The following TMEM232 variants were observed in gnomAD, a reference collection of about 807,000 sequenced individuals.
The protein encoded by TMEM232 is transmembrane protein 232.
Under a neutral mutation model 78.8 loss-of-function variants are expected in TMEM232, and 80 were observed. That is an observed-to-expected ratio of 1.01 (90% CI 0.85 to 1.22). The LOEUF is 1.22. TMEM232 is among the 50% of genes most tolerant of loss of function. The pLI, the probability that TMEM232 is intolerant of heterozygous loss-of-function variation, is 0.00. For missense variants in TMEM232, 881 were observed against 742.2 expected (o/e 1.19, Z -2.17); for synonymous variants, 297 against 254.3 (o/e 1.17, Z -1.60).
chr5:110,489,150 T>C (rs1462752757), intron 12 of TMEM232, among the ~76,000 whole-genome samples: 1 of 152,016 alleles, frequency 6.6e-6, no homozygotes, highest in East Asian at 1.9e-4. Flanking sequence ...CATCATTCTT[T>C]CATAAATGTC....
Position 110,420,743 on chromosome 5 carries a change from A to C in TMEM232, c.1811T>G (p.Leu604Arg). The C allele has an allele frequency of 6.6e-7, 1 of 1,522,452 alleles. No homozygotes were observed. The highest frequency in any genetic ancestry group is 1.2e-5 in the South Asian group (1 of 80,360). 94.3% of individuals were successfully genotyped at this position (1,522,452 alleles called of 1,614,324 possible). A position where few individuals can be genotyped will look rare whatever the true frequency, so the allele number is the denominator to read the frequency against. Reference sequence around the variant, plus strand: ...TGCATCTTCTTTTTCTCGGATCTTTAGCTCTTCCTGCCACTGTTACAGAGA... The same window carrying C: ...TGCATCTTCTTTTTCTCGGATCTTTCGCTCTTCCTGCCACTGTTACAGAGA... ...KIIDHHWQEE[L>R]KIREKEDAIC... The change falls in exon 14 of 14, where the codon CTA (leucine) becomes CGA (arginine). Residue 604 changes from leucine to arginine, a missense_variant. Coordinates refer to ENST00000455884, the MANE Select transcript of TMEM232 (RefSeq NM_001039763.4).
intron 12 of TMEM232, among the ~76,000 whole-genome samples, chr5:110,479,202 AC>A: frequency 6.6e-6 from 1 of 151,894 alleles, no homozygotes; most frequent in Admixed American, 6.6e-5. Context: ...CTTTTTGCCT[AC>A]TTGCCCCTGC....
intron 11 of TMEM232, among the ~76,000 whole-genome samples, chr5:110,556,788 C>T (rs919613878): frequency 6.6e-6 from 1 of 152,146 alleles, no homozygotes; most frequent in Non-Finnish European, 1.5e-5. Flanking sequence ...AGTGACCTGA[C>T]TCTTCTTTCC....
chr5:110,435,957 T>C (rs1040202029), intron 12 of TMEM232, among the ~76,000 whole-genome samples: 1 of 151,760 alleles, frequency 6.6e-6, no homozygotes, highest in Non-Finnish European at 1.5e-5. Flanking sequence ...GGATTTCCTA[T>C]TTCTTGAGTA....
intron 5 of TMEM232, among the ~76,000 whole-genome samples, chr5:110,631,230 T>C (rs980193721): frequency 6.6e-6 from 1 of 152,108 alleles, no homozygotes; most frequent in African/African-American, 2.4e-5. Flanking sequence ...CGCATTAACA[T>C]GGCAGTCCCT....
chr5:110,727,361 C>A (rs1303166872), upstream of TMEM232, among the ~76,000 whole-genome samples: 1 of 152,178 alleles, frequency 6.6e-6, no homozygotes, highest in East Asian at 1.9e-4. Flanking sequence ...CCTGTTATCC[C>A]AGCACTTTGG....
intron 5 of TMEM232, among the ~76,000 whole-genome samples, chr5:110,629,872 A>C (rs1245208274): frequency 2.0e-5 from 3 of 152,196 alleles, no homozygotes; most frequent in African/African-American, 7.2e-5. Flanking sequence ...TTGTACACTT[A>C]GAGCTAGATT....
chr5:110,521,773 C>G (rs1769552900), intron 12 of TMEM232, among the ~76,000 whole-genome samples: 1 of 152,100 alleles, frequency 6.6e-6, no homozygotes, highest in South Asian at 2.1e-4. Context: ...TATTTCTGGT[C>G]ATGAATTTAT....
intron 10 of TMEM232, among the ~76,000 whole-genome samples, chr5:110,570,560 A>G (rs1776827129): frequency 6.6e-6 from 1 of 152,030 alleles, no homozygotes; most frequent in Non-Finnish European, 1.5e-5. Flanking sequence ...TGGAGAAAGT[A>G]TGAGTTTAGA....
chr5:110,607,397 T>C (rs72771458), intron 8 of TMEM232, among the ~76,000 whole-genome samples: 1 of 152,096 alleles, frequency 6.6e-6, no homozygotes, highest in Non-Finnish European at 1.5e-5. Flanking sequence ...TGTCAATATT[T>C]AACCTTAGTG....
chr5:110,452,447 C>T (rs183377501), intron 12 of TMEM232, among the ~76,000 whole-genome samples: 50 of 152,132 alleles, frequency 3.3e-4, no homozygotes, highest in African/African-American at 1.2e-3. Flanking sequence ...AAGAACAGGT[C>T]GTTTGTTCTG....
chr5:110,449,512 T>A (rs1760032280), intron 12 of TMEM232, among the ~76,000 whole-genome samples: 1 of 151,114 alleles, frequency 6.6e-6, no homozygotes, highest in Admixed American at 6.6e-5. Context: ...TCCTTCTCTA[T>A]TTGCTGAGAC....
intron 12 of TMEM232, among the ~76,000 whole-genome samples, chr5:110,510,814 G>A (rs1421226127): frequency 1.3e-5 from 2 of 152,040 alleles, no homozygotes; most frequent in African/African-American, 2.4e-5. Flanking sequence ...GAGAGGAGGT[G>A]GAAAAATAGG....
intron 11 of TMEM232, among the ~76,000 whole-genome samples, chr5:110,531,136 C>G (rs899197830): frequency 5.3e-5 from 8 of 150,062 alleles, no homozygotes; most frequent in Middle Eastern, 3.5e-3. Context: ...TACTGAGCAC[C>G]CTGTGACCCC....
intron 1 of TMEM232, among the ~76,000 whole-genome samples, chr5:110,686,465 T>C (rs1177216242): frequency 6.6e-6 from 1 of 151,946 alleles, no homozygotes; most frequent in Admixed American, 6.6e-5. Context: ...TTCAGATGAC[T>C]AGAGACTCAG....
At chr5:110,666,048 C>T (rs561582477) in intron 2 of TMEM232, among the ~76,000 whole-genome samples, 1 of 152,194 alleles carries the variant, frequency 6.6e-6, no homozygotes, top group South Asian at 2.1e-4. Flanking sequence ...ATAATCACGC[C>T]ACTGCACTCC....
At chr5:110,707,014 T>G (rs1307699463) in intron 1 of TMEM232, among the ~76,000 whole-genome samples, 1 of 152,162 alleles carries the variant, frequency 6.6e-6, no homozygotes, top group Non-Finnish European at 1.5e-5. Flanking sequence ...AAGTCCTCCC[T>G]TGGATGATAT....
chr5:110,403,782 T>C (rs1337914713), intron 2 of TMEM232, among the ~76,000 whole-genome samples: 5 of 151,862 alleles, frequency 3.3e-5, no homozygotes, highest in Admixed American at 3.3e-4. Flanking sequence ...CTTGGGCCCA[T>C]CAGGGAGAGT....
chr5:110,465,700 T>C (rs1441956449), intron 12 of TMEM232, among the ~76,000 whole-genome samples: 2 of 152,198 alleles, frequency 1.3e-5, no homozygotes, highest in African/African-American at 4.8e-5. Context: ...CTCAAATTCA[T>C]TTATCATTGC....
Sources: gnomAD v4.1 joint callset for allele counts (sites outside exome capture counted in the v4.1 genomes callset) on GRCh38, gnomAD v4.1.1 for gene constraint, MANE v1.5 for transcripts, NCBI Gene and HGNC (gene_info 2026-07-23, HGNC 2026-07-21) for gene names.